Variants in TRIM24 observed in about 807,000 individuals in gnomAD.
TRIM24 encodes the protein transcription intermediary factor 1-alpha.
A neutral mutation model predicts 123.9 loss-of-function variants in TRIM24; 29 were observed. That is an observed-to-expected ratio of 0.23 (90% CI 0.17 to 0.32). The LOEUF (loss-of-function observed/expected upper bound fraction) is 0.32, where lower values mean the gene tolerates loss of function less well. TRIM24 is among the 10% of genes least tolerant of loss of function. The pLI, the probability that TRIM24 is intolerant of heterozygous loss-of-function variation, is 1.00. For missense variants in TRIM24, 932 were observed against 1,295.3 expected, an observed-to-expected ratio of 0.72 and a Z score of 4.31; for synonymous variants, 456 against 461.1, an observed-to-expected ratio of 0.99 and a Z score of 0.14.
chr7:138,580,488 G>A, intron 15 of TRIM24, 74 bp from the exon 16 acceptor site: 1 of 1,527,572 alleles, frequency 6.5e-7, no homozygotes, highest in Non-Finnish European at 8.8e-7. Context: ...ATGTCATGGA[G>A]GAGGTGGGAA....
rs532330357 is a variant in TRIM24, at chr7:138,478,549, T to C, written c.364+17637T>C. Among the ~76,000 whole-genome samples, 7 of 152,274 alleles carry C rather than the reference T, an allele frequency of 4.6e-5. 1 individual carries two copies. The South Asian group carries it at 1.4e-3, about 32-fold the overall frequency. Reference sequence around the variant, plus strand: ...TAGAGTGCAGTAGTGCAAACACAGCTTACTTCAGCCTTTATCCCCTGGGCT... The same window carrying C: ...TAGAGTGCAGTAGTGCAAACACAGCCTACTTCAGCCTTTATCCCCTGGGCT... On this transcript the variant is annotated intron_variant, in intron 1 of 18. Transcript: ENST00000343526.
rs547065821 is a variant in TRIM24 at position 138,587,536 on chromosome 7, C to G, written c.*2585C>G. Reference sequence around the variant, plus strand: ...TGAGCCTAACTATAACCCACACTCACTTATCAAGCATTCCCCCAAAAGTTC... The same window carrying G: ...TGAGCCTAACTATAACCCACACTCAGTTATCAAGCATTCCCCCAAAAGTTC... On this transcript the variant is annotated 3_prime_UTR_variant, in exon 19 of 19. Coordinates refer to ENST00000343526, the MANE Select transcript of TRIM24 (RefSeq NM_015905.3). 6.6e-6 allele frequency: 1 copy of G among 152,202 alleles called. No individual in the cohort carries two copies. The highest frequency in any genetic ancestry group is 1.5e-5 in the Non-Finnish European group (1 of 68,046). 9.4% of individuals were successfully genotyped at this position (152,202 alleles called of 1,614,324 possible).
intron 4 of TRIM24, among the ~76,000 whole-genome samples, chr7:138,519,686 AAT>A (rs1336103923): frequency 1.3e-5 from 2 of 152,172 alleles, no homozygotes; most frequent in African/African-American, 4.8e-5. Context: ...ACTGTTTTAA[AAT>A]ATATAGAACT....
chr7:138,527,730 A>G (rs1007518065), intron 5 of TRIM24, among the ~76,000 whole-genome samples: 5 of 152,188 alleles, frequency 3.3e-5, no homozygotes, highest in African/African-American at 9.7e-5. Context: ...GTTATTTTCT[A>G]TAAGATATTC....
chr7:138,556,387 C>G (rs960588000), intron 9 of TRIM24: 1 of 152,052 alleles, frequency 6.6e-6, no homozygotes, highest in African/African-American at 2.4e-5. Context: ...AAGAGAGAAG[C>G]AGTTGACCCA....
chr7:138,536,549 A>G (rs1175164877), intron 6 of TRIM24, among the ~76,000 whole-genome samples: 1 of 152,242 alleles, frequency 6.6e-6, no homozygotes, highest in Non-Finnish European at 1.5e-5. Context: ...TGAACAGCAA[A>G]TGTTGCTGCC....
At chr7:138,493,847 A>G (rs1157190040) in intron 1 of TRIM24, among the ~76,000 whole-genome samples, 1 of 152,176 alleles carries the variant, frequency 6.6e-6, no homozygotes, top group Non-Finnish European at 1.5e-5. Context: ...CCTTGATAAT[A>G]CCAATAACCT....
At chr7:138,527,310 G>T (rs1158019769) in intron 5 of TRIM24, among the ~76,000 whole-genome samples, 2 of 151,802 alleles carry the variant, frequency 1.3e-5, no homozygotes, top group African/African-American at 4.8e-5. Context: ...TAATAACATT[G>T]TGTGTAACAA....
intron 1 of TRIM24, among the ~76,000 whole-genome samples, chr7:138,461,696 G>C (rs1416423925): frequency 7.2e-5 from 11 of 152,142 alleles, no homozygotes; most frequent in Admixed American, 5.2e-4. Flanking sequence ...ACTTTGACAG[G>C]TTTGAAACAT....
chr7:138,464,912 T>G (rs1385807367), intron 1 of TRIM24, among the ~76,000 whole-genome samples: 1 of 152,200 alleles, frequency 6.6e-6, no homozygotes. Context: ...ACTCTAGAAT[T>G]GTTTCTTTAA....
intron 1 of TRIM24, chr7:138,461,290 A>C: frequency 7.3e-6 from 4 of 546,238 alleles, no homozygotes; most frequent in East Asian, 4.9e-5. Context: ...TGCCTCCACA[A>C]AGCTTTGTCC....
intron 15 of TRIM24, among the ~76,000 whole-genome samples, chr7:138,580,051 G>GTATCT (rs1797860347): frequency 1.3e-5 from 2 of 152,302 alleles, no homozygotes; most frequent in South Asian, 4.1e-4. Context: ...GCATCGAACT[G>GTATCT]TATCTTTTAC....
intron 13 of TRIM24, among the ~76,000 whole-genome samples, chr7:138,577,204 G>A (rs1223336074): frequency 6.6e-6 from 1 of 152,130 alleles, no homozygotes; most frequent in African/African-American, 2.4e-5. Flanking sequence ...CATCTTTCTA[G>A]ATATATAACT....
chr7:138,527,201 A>G (rs1036571294), intron 5 of TRIM24, among the ~76,000 whole-genome samples: 9 of 152,134 alleles, frequency 5.9e-5, no homozygotes, highest in African/African-American at 2.2e-4. Flanking sequence ...TTTCATGATC[A>G]TGATCATTGT....
intron 5 of TRIM24, among the ~76,000 whole-genome samples, chr7:138,528,765 C>T (rs1359982880): frequency 1.2e-5 from 1 of 86,160 alleles, no homozygotes; most frequent in African/African-American, 4.7e-5. Context: ...GTTTATAAAT[C>T]CTTTTTGGTC....
chr7:138,496,557 G>A (rs1264868441), intron 1 of TRIM24, among the ~76,000 whole-genome samples: 3 of 152,092 alleles, frequency 2.0e-5, no homozygotes, highest in Admixed American at 6.5e-5. Flanking sequence ...TTAGCTGTAG[G>A]TTTTTCAGAG....
chr7:138,551,940 A>G (rs1011947861), intron 8 of TRIM24, among the ~76,000 whole-genome samples: 1 of 152,204 alleles, frequency 6.6e-6, no homozygotes, highest in Non-Finnish European at 1.5e-5. Flanking sequence ...AGTAAAACAT[A>G]CATACTGACA....
At position 138,580,642 on chromosome 7, in the gene TRIM24, C is replaced by T; in HGVS notation, c.2666C>T (p.Ser889Leu). 1 of 1,613,044 alleles carries T rather than the reference C, an allele frequency of 6.2e-7. No homozygotes were observed. Among genetic ancestry groups the T allele is most frequent in the Non-Finnish European group, 8.5e-7 (1 of 1,179,500 alleles). ...GATTGTGATGCTCCCAGTCACAACT[C>T]AGAAAAAAAGAAAACTGAAGGCCTT... is the stretch of plus-strand genomic sequence containing the variant. ...EYDCDAPSHN[S>L]EKKKTEGLVK... Residue 889 changes from serine (S) to leucine (L), a missense_variant, in exon 16 of 19, where the codon TCA becomes TTA. This residue lies in a region of TRIM24 where 45 missense variants were observed against 56.6 expected (regional missense o/e 0.80). Transcript: ENST00000343526.
In TRIM24 at chr7:138,504,270, T is replaced by C. The variant is rs762375645; in HGVS notation, c.365-20T>C. 151 of 1,511,686 alleles carry C rather than the reference T, an allele frequency of 1.0e-4. No homozygotes were observed. Among genetic ancestry groups the C allele is most frequent in the Non-Finnish European group, 1.3e-4 (148 of 1,112,068 alleles). The allele number at this position is 1,511,686 out of a possible 1,614,324, so 93.6% of individuals were successfully genotyped here. A position where few individuals can be genotyped will look rare whatever the true frequency, so the allele number is the denominator to read the frequency against. On this transcript the variant is annotated intron_variant, in intron 1 of 18. Coordinates refer to ENST00000343526, the MANE Select transcript of TRIM24 (RefSeq NM_015905.3). The stretch of plus-strand genomic sequence containing the variant: ...AGTATATTTGTATTAAAACTTAGAA[T>C]ATAATTTTGTTTTTCCCAGTTGGAG...
Sources: gnomAD v4.1 joint callset for allele counts (sites outside exome capture counted in the v4.1 genomes callset) on GRCh38, gnomAD v4.1.1 for gene constraint, gnomAD v4.1.1 regional missense constraint, MANE v1.5 for transcripts, NCBI Gene and HGNC (gene_info 2026-07-23, HGNC 2026-07-21) for gene names.